RAG1: variants seen among roughly 807,000 people sequenced by gnomAD.
RAG1 encodes V(D)J recombination-activating protein 1.
Under a neutral mutation model 62.7 loss-of-function variants are expected in RAG1, and 35 were observed. The observed-to-expected ratio is 0.56, with a 90% CI of 0.43 to 0.74. RAG1 has a LOEUF of 0.74. Ranked by LOEUF, RAG1 falls within the 30% of genes least tolerant of loss-of-function variation. RAG1 has a pLI of 0.00. For synonymous variants in RAG1, 461 were observed against 470.3 expected, an observed-to-expected ratio of 0.98 and a Z score of 0.26; for missense variants, 1,169 against 1,278.6, an observed-to-expected ratio of 0.91 and a Z score of 1.31.
rs961233109 is a variant in RAG1, at chr11:36,575,647, G to T, written c.2343G>T (p.Gly781=). 2.5e-6 allele frequency: 4 copies of T among 1,614,116 alleles called. No individual in the cohort carries two copies. Among genetic ancestry groups the T allele is most frequent in the Non-Finnish European group, 2.5e-6 (3 of 1,180,002 alleles). Residue 781 remains glycine, a synonymous_variant, in exon 2 of 2, where the codon GGG becomes GGT. Transcript: ENST00000299440. The surrounding 1 kb of genome is among the most constrained non-coding windows in gnomAD (Gnocchi z 4.1). ...AAGAACTGCGGGATCGGGTGAAAGG[G>T]GTCTCAGCTAAACCTTTCATTGAGA... ...SVEELRDRVK[G]VSAKPFIETV...
At chr11:36,517,291 A>C (rs1156730740) in intron 1 of RAG1, among the ~76,000 whole-genome samples, 1 of 152,258 alleles carries the variant, frequency 6.6e-6, no homozygotes, top group African/African-American at 2.4e-5. Context: ...TAGTTACAGT[A>C]TGAACCAAAT....
chr11:36,529,075 T>C (rs979546614), intron 2 of RAG1, among the ~76,000 whole-genome samples: 3 of 152,148 alleles, frequency 2.0e-5, no homozygotes, highest in African/African-American at 7.2e-5. Flanking sequence ...ATAGAGGAGC[T>C]GGTACCATTC....
chr11:36,531,568 A>G (rs115575738), intron 2 of RAG1, among the ~76,000 whole-genome samples: 1,970 of 152,044 alleles, frequency 0.013, 42 homozygotes, highest in African/African-American at 0.044. Context: ...TACTGGTATC[A>G]TTTTACTAAT....
At position 36,573,943 on chromosome 11, in the gene RAG1, C is replaced by T. The variant is rs761559077; in HGVS notation, c.639C>T (p.Ile213=). The T allele has an allele frequency of 1.9e-6, 3 of 1,614,028 alleles. No homozygotes were observed. The highest frequency in any genetic ancestry group is 1.7e-5 in the Admixed American group (1 of 60,008). Residue 213 remains isoleucine (I), a synonymous_variant, in exon 2 of 2, where the codon ATC becomes ATT. Transcript: ENST00000299440. The part of the protein sequence containing the change: ...EWHPHTPSCD[I]CNTARRGLKR... ...ACCCCCACACACCATCCTGTGACAT[C>T]TGCAACACTGCCCGTCGGGGACTCA...
chr11:36,537,236 T>C (rs1860346125), downstream of RAG1, among the ~76,000 whole-genome samples: 4 of 152,208 alleles, frequency 2.6e-5, no homozygotes, highest in Admixed American at 2.6e-4. Flanking sequence ...AACAATATGG[T>C]ATTGTGCACT....
At chr11:36,539,641 C>T (rs1322352653), downstream of RAG1, among the ~76,000 whole-genome samples, 2 of 152,128 alleles carry the variant, frequency 1.3e-5, no homozygotes, top group African/African-American at 2.4e-5. Context: ...CCTGCCACCA[C>T]GCCTGGCGAT....
At chr11:36,564,479 G>A (rs961703056), upstream of RAG1, among the ~76,000 whole-genome samples, 1 of 152,144 alleles carries the variant, frequency 6.6e-6, no homozygotes, top group African/African-American at 2.4e-5. Context: ...CCAGTTCATG[G>A]ATTCAACAAC....
chr11:36,542,045 C>G (rs1850312622), intron 3 of RAG1, among the ~76,000 whole-genome samples: 1 of 152,128 alleles, frequency 6.6e-6, no homozygotes, highest in African/African-American at 2.4e-5. Flanking sequence ...CTATCAGACA[C>G]CCGATCTTGC....
downstream of RAG1, among the ~76,000 whole-genome samples, chr11:36,536,693 ATTTATAT>A (rs1860333288): frequency 6.6e-6 from 1 of 151,312 alleles, no homozygotes; most frequent in South Asian, 2.1e-4. Context: ...TAAATAAAAT[ATTTATAT>A]TTTATAAAGT....
chr11:36,565,409 G>T (rs1707218869), upstream of RAG1, among the ~76,000 whole-genome samples: 1 of 152,182 alleles, frequency 6.6e-6, no homozygotes, highest in Non-Finnish European at 1.5e-5. Flanking sequence ...TGAAAGCAGG[G>T]ATGCAGGGAG....
At chr11:36,524,751 A>G (rs1005758356) in intron 2 of RAG1, among the ~76,000 whole-genome samples, 2 of 152,110 alleles carry the variant, frequency 1.3e-5, no homozygotes, top group Admixed American at 6.6e-5. Context: ...TCGGCCTTCC[A>G]AAGTGCTGAG....
chr11:36,564,207 G>A (rs1231429061), upstream of RAG1, among the ~76,000 whole-genome samples: 19 of 152,140 alleles, frequency 1.2e-4, no homozygotes, highest in Admixed American at 1.2e-3. Flanking sequence ...ACATTTTCTG[G>A]GACTGGTCAG....
intron 3 of RAG1, among the ~76,000 whole-genome samples, chr11:36,551,566 G>T (rs889808636): frequency 1.1e-4 from 16 of 150,106 alleles, no homozygotes; most frequent in Admixed American, 3.3e-4. Flanking sequence ...TTGAATTAGG[G>T]CTCACCTAAT....
chr11:36,527,962 G>A (rs1011282156), intron 2 of RAG1, among the ~76,000 whole-genome samples: 3 of 152,042 alleles, frequency 2.0e-5, no homozygotes, highest in Admixed American at 2.0e-4. Context: ...TCAGCTTAAG[G>A]AGATTTTGGA....
intron 1 of RAG1, among the ~76,000 whole-genome samples, chr11:36,571,030 A>G (rs1162499711): frequency 2.0e-5 from 3 of 152,138 alleles, no homozygotes; most frequent in Non-Finnish European, 4.4e-5. Context: ...ACTTGATGCA[A>G]TCCCATTTGT....
In RAG1 at chr11:36,558,160, A is replaced by C. The variant is rs11033694; in HGVS notation, c.-411-5225A>C. Among the ~76,000 whole-genome samples, 589 of 152,302 alleles carry C rather than the reference A, an allele frequency of 3.9e-3. 4 individuals carry two copies. The highest frequency in any genetic ancestry group is 0.013 in the African/African-American group (560 of 41,570). On this transcript the variant is annotated intron_variant and NMD_transcript_variant, in intron 3 of 9. Transcript: ENST00000534663. ...ATACTTGATATGATTTCAGTTTTAA[A>C]AAATTTGTTGAGACTTGTTTTGTGG...
At chr11:36,538,752 T>C (rs957661708), downstream of RAG1, among the ~76,000 whole-genome samples, 2 of 152,170 alleles carry the variant, frequency 1.3e-5, no homozygotes, top group African/African-American at 4.8e-5. Flanking sequence ...AGTCTGCTTC[T>C]CAAATACTTG....
At chr11:36,567,571 A>G (rs1264903951), upstream of RAG1, 1 of 152,212 alleles carries the variant, frequency 6.6e-6, no homozygotes, top group African/African-American at 2.4e-5. Context: ...AAAAAATTCC[A>G]TAGTGTTGTT....
At chr11:36,564,066 G>A (rs754115420), upstream of RAG1, among the ~76,000 whole-genome samples, 1 of 152,194 alleles carries the variant, frequency 6.6e-6, no homozygotes. Context: ...TGGAACAGAT[G>A]TCTCCTGATT....
Sources: allele counts gnomAD v4.1 joint callset (sites outside exome capture counted in the v4.1 genomes callset), GRCh38; gene constraint gnomAD v4.1.1; non-coding constraint Gnocchi (gnomAD v3.1); transcripts MANE v1.5; gene names NCBI Gene and HGNC (gene_info 2026-07-23, HGNC 2026-07-21).